Variants in CTIF observed in about 807,000 individuals in gnomAD.
The protein encoded by CTIF is cap binding complex dependent translation initiation factor.
Under a neutral mutation model 66.0 loss-of-function variants are expected in CTIF, and 21 were observed. The observed-to-expected ratio is 0.32, with a 90% CI of 0.23 to 0.46. The LOEUF (loss-of-function observed/expected upper bound fraction) is 0.46. CTIF is among the 20% of genes least tolerant of loss of function. The pLI is 1.00. For missense variants in CTIF, 739 were observed against 812.7 expected (o/e 0.91, Z 1.10); for synonymous variants, 345 against 326.4 (o/e 1.06, Z -0.62).
chr18:48,711,049 G>A (rs2092217105), intron 6 of CTIF, among the ~76,000 whole-genome samples: 1 of 152,272 alleles, frequency 6.6e-6, no homozygotes, highest in African/African-American at 2.4e-5. Flanking sequence ...TACTCCCTAG[G>A]CAATATAGGG....
chr18:48,797,353 C>T (rs191999653), intron 9 of CTIF, among the ~76,000 whole-genome samples: 217 of 152,124 alleles, frequency 1.4e-3, no homozygotes, highest in Middle Eastern at 6.8e-3. Context: ...GGTGGTGGTG[C>T]GTGCCTGTAA....
intron 9 of CTIF, among the ~76,000 whole-genome samples, chr18:48,816,830 TG>T (rs2068373605): frequency 6.6e-6 from 1 of 152,156 alleles, no homozygotes; most frequent in South Asian, 2.1e-4. Flanking sequence ...GGGCATGACT[TG>T]GGGGTTAGCA....
chr18:48,546,107 T>C (rs551717578), intron 1 of CTIF, among the ~76,000 whole-genome samples: 3 of 152,244 alleles, frequency 2.0e-5, no homozygotes, highest in South Asian at 2.1e-4. Flanking sequence ...GGTAGTTTTG[T>C]TGGGGAGAGA....
Position 48,787,015 on chromosome 18 carries a change from T to C in CTIF, c.1371+25326T>C, listed in dbSNP as rs984754882. On this transcript the variant is annotated intron_variant, in intron 9 of 11. Transcript: ENST00000256413. ...TGCTGGAGCCCACAGCCCATCCATA[T>C]GGTTCATCAGCAGCCTGGGAGGGGC... Among the ~76,000 whole-genome samples, 3 of 152,174 alleles carry C rather than the reference T, an allele frequency of 2.0e-5. No individual in the cohort carries two copies. In the East Asian group the frequency reaches 5.8e-4, roughly 29 times the overall value.
intron 2 of CTIF, among the ~76,000 whole-genome samples, chr18:48,629,649 A>AAG (rs1433706986): frequency 9.9e-5 from 15 of 152,012 alleles, no homozygotes; most frequent in African/African-American, 3.4e-4. Context: ...AAAAAAAAAA[A>AAG]AATTGGCTGT....
At chr18:48,719,435 C>T (rs1020205075) in intron 7 of CTIF, among the ~76,000 whole-genome samples, 7 of 152,194 alleles carry the variant, frequency 4.6e-5, no homozygotes, top group African/African-American at 1.2e-4. Flanking sequence ...TTAACCTAGT[C>T]GGAGTCCTAT....
intron 9 of CTIF, among the ~76,000 whole-genome samples, chr18:48,769,823 A>G (rs1258939853): frequency 6.6e-6 from 1 of 152,258 alleles, no homozygotes; most frequent in African/African-American, 2.4e-5. Context: ...AGCACCTGCT[A>G]TATACCATGC....
intron 6 of CTIF, among the ~76,000 whole-genome samples, chr18:48,688,762 A>T (rs2091882601): frequency 6.6e-6 from 1 of 152,228 alleles, no homozygotes; most frequent in Admixed American, 6.5e-5. Flanking sequence ...CTCACAGGAC[A>T]TCTGTTTAAT....
At chr18:48,612,575 AC>A (rs1457700800) in intron 1 of CTIF, among the ~76,000 whole-genome samples, 1 of 152,190 alleles carries the variant, frequency 6.6e-6, no homozygotes, top group Non-Finnish European at 1.5e-5. Context: ...GCACCAGGTG[AC>A]ATGGGAAGCG....
At chr18:48,696,739 A>T (rs757411302) in intron 6 of CTIF, among the ~76,000 whole-genome samples, 1 of 152,204 alleles carries the variant, frequency 6.6e-6, no homozygotes, top group African/African-American at 2.4e-5. Context: ...GGCAGAGGAA[A>T]CTGAAGCTTA....
At chr18:48,667,906 G>A (rs2091463055) in intron 5 of CTIF, among the ~76,000 whole-genome samples, 1 of 152,202 alleles carries the variant, frequency 6.6e-6, no homozygotes, top group Non-Finnish European at 1.5e-5. Flanking sequence ...GCTGTAGTGG[G>A]GACACACTCC....
At chr18:48,758,886 G>A (rs1457784021) in intron 8 of CTIF, among the ~76,000 whole-genome samples, 3 of 152,212 alleles carry the variant, frequency 2.0e-5, no homozygotes, top group South Asian at 2.1e-4. Context: ...TGTTCAGAGT[G>A]GGGGCAGGCT....
At chr18:48,759,383 G>T (rs919885036) in intron 8 of CTIF, among the ~76,000 whole-genome samples, 1 of 152,178 alleles carries the variant, frequency 6.6e-6, no homozygotes, top group African/African-American at 2.4e-5. Context: ...TTGCCCCAGA[G>T]GCCAGGCCCA....
intron 3 of CTIF, among the ~76,000 whole-genome samples, chr18:48,660,674 A>AG (rs1234041920): frequency 6.6e-6 from 1 of 152,238 alleles, no homozygotes; most frequent in Non-Finnish European, 1.5e-5. Context: ...CTCTCTGCAC[A>AG]GGGGCATTGG....
intron 10 of CTIF, among the ~76,000 whole-genome samples, chr18:48,854,347 T>G (rs887296974): frequency 1.3e-5 from 2 of 152,110 alleles, no homozygotes; most frequent in African/African-American, 4.8e-5. Context: ...ACAAAGTCAT[T>G]TGGAGTCTAA....
intron 1 of CTIF, among the ~76,000 whole-genome samples, chr18:48,549,384 T>C (rs527479159): frequency 6.6e-6 from 1 of 152,300 alleles, no homozygotes; most frequent in South Asian, 2.1e-4. Flanking sequence ...GGGATGTTAT[T>C]GGCTACAGGT....
chr18:48,614,262 A>T (rs1357797481), intron 1 of CTIF, among the ~76,000 whole-genome samples: 1 of 152,120 alleles, frequency 6.6e-6, no homozygotes, highest in Non-Finnish European at 1.5e-5. Context: ...GGAGGAGACC[A>T]TCCCTTGCCC....
intron 1 of CTIF, among the ~76,000 whole-genome samples, chr18:48,560,552 G>A (rs535942103): frequency 6.6e-6 from 1 of 151,858 alleles, no homozygotes; most frequent in South Asian, 2.1e-4. Flanking sequence ...ATAACAACTG[G>A]TCTCACAAAA....
rs2068441754 is a variant in CTIF, at chr18:48,819,658, G to C, written c.1527+2282G>C. ...TTGTTGGATGCATTCAAATTTTCGG[G>C]CCAGTTTGACAAACACAGACCCATC... On this transcript the variant is annotated intron_variant, in intron 10 of 11. Coordinates refer to ENST00000256413, the MANE Select transcript of CTIF (RefSeq NM_014772.3). 3.3e-5 allele frequency among the ~76,000 whole-genome samples: 5 copies of C among 152,306 alleles called. No individual in the cohort carries two copies. The South Asian group carries it at 1.0e-3, about 32-fold the overall frequency.
Sources: gnomAD v4.1 joint callset for allele counts (sites outside exome capture counted in the v4.1 genomes callset) on GRCh38, gnomAD v4.1.1 for gene constraint, MANE v1.5 for transcripts, NCBI Gene and HGNC (gene_info 2026-07-23, HGNC 2026-07-21) for gene names.